The following COG7 variants were observed in gnomAD, a reference collection of about 807,000 sequenced individuals.
COG7 encodes component of oligomeric golgi complex 7.
In COG7, 49 loss-of-function variants were observed where a neutral mutation model predicts 91.5. The ratio of observed to expected loss-of-function variants is 0.54; its 90% confidence interval spans 0.43 to 0.68. The LOEUF is 0.68. Ranked by LOEUF, COG7 falls within the 30% of genes least tolerant of loss-of-function variation. The probability of loss-of-function intolerance (pLI) is 0.00; values close to 1 mark genes in which losing one functional copy is unlikely to be tolerated. For synonymous variants in COG7, 365 were observed against 388.7 expected (o/e 0.94, Z 0.72); for missense variants, 895 against 961.3 (o/e 0.93, Z 0.91).
At position 23,434,702 on chromosome 16, in the gene COG7, A is replaced by G. The variant is rs1963987601; in HGVS notation, c.621T>C (p.Phe207=). Residue 207 remains phenylalanine (F), a synonymous_variant, in exon 5 of 17, where the codon TTT becomes TTC. Coordinates refer to ENST00000307149, the MANE Select transcript of COG7 (RefSeq NM_153603.4). ...TSQAVDQSKV[F]VKVFTEIDRM... is the part of the protein sequence containing the mutation. ...GGTCAATTTCAGTAAACACCTTCACAAACACTTTGGACTGATCTAAAGAAC... is the reference window on the plus strand; with the variant it reads ...GGTCAATTTCAGTAAACACCTTCACGAACACTTTGGACTGATCTAAAGAAC... 1 of 1,612,426 alleles carries G rather than the reference A, an allele frequency of 6.2e-7. No homozygotes were observed. Among genetic ancestry groups the G allele is most frequent in the Non-Finnish European group, 8.5e-7 (1 of 1,178,538 alleles).
In COG7 at chr16:23,453,142, T is replaced by C. The variant is rs1021636167; in HGVS notation, c.-148A>G. On this transcript the variant is annotated 5_prime_UTR_variant, in exon 1 of 17. Coordinates refer to ENST00000307149, the MANE Select transcript of COG7 (RefSeq NM_153603.4). ...CGCCAGGACGGGTAACTTGCCCCTT[T>C]GCGCTTCCCCGCTCAGCGCACTCAG... 33 of 1,452,248 alleles carry C rather than the reference T, an allele frequency of 2.3e-5. No homozygotes were observed. The African/African-American group carries it at 4.5e-4, about 20-fold the overall frequency. 90.0% of individuals were successfully genotyped at this position (1,452,248 alleles called of 1,614,324 possible).
At chr16:23,426,579 C>T (rs1365114466) in intron 6 of COG7, among the ~76,000 whole-genome samples, 1 of 152,042 alleles carries the variant, frequency 6.6e-6, no homozygotes, top group Non-Finnish European at 1.5e-5. Context: ...AGGGAAAATA[C>T]ATGATCATCT....
chr16:23,392,396 C>T lies in COG7; in HGVS notation c.2130G>A (p.Gln710=). The change falls in exon 16 of 17, where the codon CAG becomes CAA. Residue 710 remains glutamine (Q), a synonymous_variant. Coordinates refer to ENST00000307149, the MANE Select transcript of COG7 (RefSeq NM_153603.4). ...IPELSPHSAK[Q]LATDIDYLIN... is the part of the protein sequence containing the mutation. ...GGGACCCACCGATGTCAGTGGCCAG[C>T]TGCTTGGCAGAGTGTGGGCTCAGCT... 1.2e-6 allele frequency: 2 copies of T among 1,614,202 alleles called. No individual in the cohort carries two copies. The highest frequency in any genetic ancestry group is 1.7e-6 in the Non-Finnish European group (2 of 1,180,042).
At chr16:23,438,115 C>A (rs1964040886) in intron 4 of COG7, among the ~76,000 whole-genome samples, 2 of 150,270 alleles carry the variant, frequency 1.3e-5, no homozygotes, top group Admixed American at 1.3e-4. Context: ...AAAACTTGGG[C>A]ATCAAAAGAT....
At chr16:23,405,321 G>GAA (rs1963441689) in intron 12 of COG7, among the ~76,000 whole-genome samples, 1 of 151,994 alleles carries the variant, frequency 6.6e-6, no homozygotes, top group African/African-American at 2.4e-5. Flanking sequence ...GCTCCTCCTG[G>GAA]TATCCTGGGT....
Position 23,398,095 on chromosome 16 carries a change from G to A in COG7, c.1838C>T (p.Thr613Ile). 1.2e-6 allele frequency: 2 copies of A among 1,614,188 alleles called. No individual in the cohort carries two copies. Among genetic ancestry groups the A allele is most frequent in the South Asian group, 2.2e-5 (2 of 91,078 alleles). The change falls in exon 14 of 17, where the codon ACA becomes ATA. Residue 613 changes from threonine to isoleucine, a missense_variant. By Grantham distance (89) the Thr-to-Ile change is moderately conservative. Coordinates refer to ENST00000307149, the MANE Select transcript of COG7 (RefSeq NM_153603.4). ...GAGACTAAAGGCGGGCAGTTCATCTGTGAGGGTTTCTCCGATGCCAGCCGT... is the reference window on the plus strand; with the variant it reads ...GAGACTAAAGGCGGGCAGTTCATCTATGAGGGTTTCTCCGATGCCAGCCGT... The part of the protein sequence containing the change: ...WNTAGIGETL[T>I]DELPAFSLTP...
At chr16:23,434,971 C>G (rs980608881) in intron 4 of COG7, among the ~76,000 whole-genome samples, 2 of 152,172 alleles carry the variant, frequency 1.3e-5, no homozygotes, top group African/African-American at 4.8e-5. Context: ...TTATTTATGT[C>G]TTTCAAAATT....
At chr16:23,443,425 TC>T (rs1255557313) in intron 3 of COG7, among the ~76,000 whole-genome samples, 1 of 152,114 alleles carries the variant, frequency 6.6e-6, no homozygotes, top group East Asian at 1.9e-4. Flanking sequence ...GAAGGGTGGC[TC>T]ACGCCCCTGT....
intron 10 of COG7, among the ~76,000 whole-genome samples, chr16:23,411,827 C>T (rs1403715996): frequency 6.6e-6 from 1 of 151,260 alleles, no homozygotes; most frequent in East Asian, 1.9e-4. Flanking sequence ...CCATTTCTCT[C>T]TTGGGAAAAT....
chr16:23,424,656 A>C, intron 7 of COG7, 93 bp downstream of exon 7: 1 of 1,284,126 alleles, frequency 7.8e-7, no homozygotes. Context: ...CTGTAAAATC[A>C]GTCATCTGAA....
chr16:23,400,120 T>C (rs1963350004), intron 13 of COG7, among the ~76,000 whole-genome samples: 1 of 152,182 alleles, frequency 6.6e-6, no homozygotes, highest in Non-Finnish European at 1.5e-5. Flanking sequence ...TTCTCCCTAC[T>C]TCTGTGTATG....
intron 3 of COG7, 109 bp downstream of exon 3, chr16:23,444,939 G>T: frequency 1.2e-6 from 1 of 858,032 alleles, no homozygotes; most frequent in Non-Finnish European, 2.0e-6. Context: ...GAGTCTGAAG[G>T]TTTCTGAATG....
chr16:23,404,931 T>A (rs1266041710), intron 12 of COG7, among the ~76,000 whole-genome samples: 1 of 151,540 alleles, frequency 6.6e-6, no homozygotes. Flanking sequence ...AAAGAAAAAA[T>A]TTTCTACTGC....
At chr16:23,418,275 T>A (rs1009327216) in intron 8 of COG7, among the ~76,000 whole-genome samples, 6 of 151,922 alleles carry the variant, frequency 3.9e-5, no homozygotes, top group Non-Finnish European at 8.8e-5. Context: ...AAGCCCAAGG[T>A]GGGTGGGTTG....
chr16:23,453,007 T>G lies in COG7; in HGVS notation c.-13A>C, dbSNP rs1964292222. The G allele has an allele frequency of 1.2e-6, 2 of 1,613,968 alleles. No homozygotes were observed. Among genetic ancestry groups the G allele is most frequent in the African/African-American group, 2.7e-5 (2 of 75,058 alleles). ...TGGAGAAGTCCATGGCGGAACTGCC[T>G]CAGGCCTGGCGTCCAGAACTTAAGA... On this transcript the variant is annotated 5_prime_UTR_variant, in exon 1 of 17. Transcript: ENST00000307149.
At chr16:23,392,664 T>A (rs950155493) in intron 15 of COG7, 141 bp from the exon 16 acceptor site, 2 of 958,962 alleles carry the variant, frequency 2.1e-6, no homozygotes, top group South Asian at 2.7e-5. Context: ...GTGCAGTGGC[T>A]CATGCCTGTA....
At chr16:23,392,228 G>A in intron 16 of COG7, 152 bp downstream of exon 16, 1 of 1,518,250 alleles carries the variant, frequency 6.6e-7, no homozygotes, top group Non-Finnish European at 8.8e-7. Context: ...GGCAGGGCCT[G>A]GAGAACCTGA....
intron 13 of COG7, among the ~76,000 whole-genome samples, 153 bp downstream of exon 13, chr16:23,403,541 A>T (rs1963411059): frequency 6.6e-6 from 1 of 152,234 alleles, no homozygotes; most frequent in South Asian, 2.1e-4. Flanking sequence ...CTAAGCAATG[A>T]GGTGAAATTG....
At chr16:23,405,418 G>A (rs1963443210) in intron 12 of COG7, among the ~76,000 whole-genome samples, 1 of 152,130 alleles carries the variant, frequency 6.6e-6, no homozygotes, top group African/African-American at 2.4e-5. Context: ...CAGGGCCAGG[G>A]GCTGTCCAGC....
Sources: gnomAD v4.1 joint callset for allele counts (sites outside exome capture counted in the v4.1 genomes callset) on GRCh38, gnomAD v4.1.1 for gene constraint, MANE v1.5 for transcripts, NCBI Gene and HGNC (gene_info 2026-07-23, HGNC 2026-07-21) for gene names.